Variants in CEP164 observed in about 807,000 individuals in gnomAD.
CEP164 encodes centrosomal protein 164.
In CEP164, 162 loss-of-function variants were observed where a neutral mutation model predicts 182.7. That is an observed-to-expected ratio of 0.89 (90% CI 0.78 to 1.01). The LOEUF is 1.01. CEP164 is among the 50% of genes least tolerant of loss of function. The pLI is 0.00. For missense variants in CEP164, 1,735 were observed against 1,790.4 expected, an observed-to-expected ratio of 0.97 and a Z score of 0.56; for synonymous variants, 661 against 690.0, an observed-to-expected ratio of 0.96 and a Z score of 0.66.
intron 9 of CEP164, among the ~76,000 whole-genome samples, chr11:117,372,108 A>ATTGT (rs2042260706): frequency 7.5e-6 from 1 of 133,278 alleles, no homozygotes; most frequent in African/African-American, 2.9e-5. Flanking sequence ...AGTTCAGGGT[A>ATTGT]TTTTTTTTTT....
In CEP164 at chr11:117,394,476, C is replaced by T. The variant is rs200179277; in HGVS notation, c.2743C>T (p.Arg915Cys). Residue 915 changes from arginine to cysteine, a missense_variant, in exon 21 of 33, where the codon CGC (arginine) becomes TGC (cysteine). Coordinates refer to ENST00000278935, the MANE Select transcript of CEP164 (RefSeq NM_014956.5). The surrounding 1 kb of genome is among the most constrained non-coding windows in gnomAD (Gnocchi z 4.0). ...ACACAAGCGTCTTGAGGACTTGCGGCGCCGGCACAGGGAGCAGGTGAGGGG... is the reference window on the plus strand; with the variant it reads ...ACACAAGCGTCTTGAGGACTTGCGGTGCCGGCACAGGGAGCAGGTGAGGGG... Reference protein sequence around the residue: ...EQHKRLEDLRRRHREQERKLQ... With the variant: ...EQHKRLEDLRCRHREQERKLQ... The T allele has an allele frequency of 6.2e-6, 10 of 1,613,884 alleles. No homozygotes were observed. The highest frequency in any genetic ancestry group is 1.7e-4 in the Middle Eastern group (1 of 5,918).
chr11:117,356,613 A>G (rs2040322492), intron 5 of CEP164: 2 of 1,284,612 alleles, frequency 1.6e-6, no homozygotes, highest in African/African-American at 1.5e-5. Context: ...CAGCATCTCA[A>G]CCAGGTAGGC....
At position 117,411,216 on chromosome 11, in the gene CEP164, T is replaced by G; in HGVS notation, c.4163+322T>G. ...GGGACCCTGCCCCCGCCCCTCCCTC[T>G]AGCCCCTCCAGCCCCGGAGTCTGGC... On this transcript the variant is annotated intron_variant, in intron 31 of 32. Coordinates refer to ENST00000278935, the MANE Select transcript of CEP164 (RefSeq NM_014956.5). The surrounding 1 kb of genome is among the most constrained non-coding windows in gnomAD (Gnocchi z 4.4). 1 of 334,316 alleles carries G rather than the reference T, an allele frequency of 3.0e-6. No homozygotes were observed. The allele number at this position is 334,316 out of a possible 1,614,324, so 20.7% of individuals were successfully genotyped here.
chr11:117,407,496 GA>G (rs1305693765), intron 27 of CEP164, among the ~76,000 whole-genome samples: 6 of 119,622 alleles, frequency 5.0e-5, no homozygotes, highest in African/African-American at 6.0e-5. Flanking sequence ...AAAGAAAAAA[GA>G]AAAAAAAAAG....
In CEP164 at chr11:117,409,395, C is replaced by T; in HGVS notation, c.3749-223C>T. ...TCTCTGGGGTCCTGGGCCCTTCACC[C>T]AGCACCTTGCCCTGGAAACCTGTTT... On this transcript the variant is annotated intron_variant, in intron 29 of 32. Coordinates refer to ENST00000278935, the MANE Select transcript of CEP164 (RefSeq NM_014956.5). The surrounding 1 kb of genome is among the most constrained non-coding windows in gnomAD (Gnocchi z 4.4). 3.4e-6 allele frequency: 2 copies of T among 589,248 alleles called. No individual in the cohort carries two copies. Among genetic ancestry groups the T allele is most frequent in the Non-Finnish European group, 3.0e-6 (1 of 334,342 alleles). The allele number at this position is 589,248 out of a possible 1,614,324, so 36.5% of individuals were successfully genotyped here.
intron 1 of CEP164, among the ~76,000 whole-genome samples, chr11:117,330,965 C>G (rs1430512582): frequency 1.3e-5 from 2 of 152,200 alleles, no homozygotes; most frequent in Non-Finnish European, 2.9e-5. Context: ...TGTTCCAAAG[C>G]TTTTGCTCAT....
Position 117,391,315 on chromosome 11 carries a change from C to T in CEP164, c.2283+100C>T, listed in dbSNP as rs527487243. 241 of 1,201,514 alleles carry T rather than the reference C, an allele frequency of 2.0e-4. 1 individual carries two copies. Among genetic ancestry groups the T allele is most frequent in the African/African-American group, 1.3e-3 (87 of 66,150 alleles). 74.4% of individuals were successfully genotyped at this position (1,201,514 alleles called of 1,614,324 possible). A position where few individuals can be genotyped will look rare whatever the true frequency, so the allele number is the denominator to read the frequency against. On this transcript the variant is annotated intron_variant, in intron 17 of 32. Coordinates refer to ENST00000278935, the MANE Select transcript of CEP164 (RefSeq NM_014956.5). Reference sequence around the variant, plus strand: ...AGAAGAAGGGCAAGTCTCGGGTGGGCGTGCAGGCTGGGGAGCCAGGTGGAG... The same window carrying T: ...AGAAGAAGGGCAAGTCTCGGGTGGGTGTGCAGGCTGGGGAGCCAGGTGGAG...
intron 27 of CEP164, among the ~76,000 whole-genome samples, chr11:117,398,565 A>C (rs1027180206): frequency 4.6e-5 from 7 of 152,050 alleles, no homozygotes; most frequent in African/African-American, 1.7e-4. Flanking sequence ...TTTTCTGGGC[A>C]TCTAGGTGTT....
intron 5 of CEP164, among the ~76,000 whole-genome samples, chr11:117,357,371 A>G (rs968167918): frequency 2.7e-5 from 4 of 149,970 alleles, no homozygotes; most frequent in South Asian, 2.1e-4. Flanking sequence ...GGCCTCCCCA[A>G]GTGCTGGGAT....
chr11:117,412,040 G>C (rs1054860564), intron 32 of CEP164, 32 bp from the exon 33 acceptor site: 1 of 1,613,088 alleles, frequency 6.2e-7, no homozygotes, highest in Non-Finnish European at 8.5e-7. Flanking sequence ...GCTATGCCCA[G>C]CGACTGCAGT....
chr11:117,391,314 G>T, intron 17 of CEP164, 99 bp downstream of exon 17: 1 of 1,212,972 alleles, frequency 8.2e-7, no homozygotes, highest in Non-Finnish European at 1.2e-6. Flanking sequence ...TCTCGGGTGG[G>T]CGTGCAGGCT....
chr11:117,338,755 C>A, intron 3 of CEP164, 87 bp downstream of exon 3: 1 of 1,053,046 alleles, frequency 9.5e-7, no homozygotes, highest in Non-Finnish European at 1.5e-6. Context: ...TCTTTCAGTG[C>A]AAAGTATGGT....
Position 117,410,897 on chromosome 11 carries a change from G to T in CEP164, c.4163+3G>T, listed in dbSNP as rs1225261759. The T allele has an allele frequency of 6.2e-7, 1 of 1,612,372 alleles. No individual in the cohort carries two copies. The highest frequency in any genetic ancestry group is 8.5e-7 in the Non-Finnish European group (1 of 1,179,268). On this transcript the variant is annotated splice_donor_region_variant and intron_variant, in intron 31 of 32. Coordinates refer to ENST00000278935, the MANE Select transcript of CEP164 (RefSeq NM_014956.5). ...AGGCTGGGTTACATGTCTGCCAGGT[G>T]AGCCTCCCTGGGGGCTGGTTGGGGT...
chr11:117,377,187 C>CCA (rs35560075), intron 11 of CEP164, among the ~76,000 whole-genome samples: 92,712 of 151,778 alleles, frequency 0.61, 29,132 homozygotes, highest in African/African-American at 0.77. Flanking sequence ...GACAGTTTTT[C>CCA]CAGATGGGGC....
rs141163158 is a variant in CEP164, at chr11:117,363,502, A to G, written c.761A>G (p.Tyr254Cys). Residue 254 changes from tyrosine to cysteine, a missense_variant, in exon 8 of 33, where the codon TAT becomes TGT. Transcript: ENST00000278935. ...DIGALGGDFE[Y>C]EESLRTSQPE... ...GGGGCACTGGGGGGTGACTTTGAGT[A>G]TGAGGTAAGAGCCCTAATCCCTACA... The G allele has an allele frequency of 6.2e-7, 1 of 1,612,288 alleles. No homozygotes were observed.
At chr11:117,403,170 T>A (rs1164256450) in intron 27 of CEP164, among the ~76,000 whole-genome samples, 8 of 152,236 alleles carry the variant, frequency 5.3e-5, no homozygotes, top group Admixed American at 5.2e-4. Context: ...CTGTTTACAT[T>A]CAAGGCTAAT....
At chr11:117,381,637 C>T (rs577680507) in intron 12 of CEP164, 64 bp from the exon 13 acceptor site, 29 of 1,536,718 alleles carry the variant, frequency 1.9e-5, no homozygotes, top group Non-Finnish European at 2.4e-5. Context: ...ACTGTACTCC[C>T]CAGTTCTCTT....
intron 15 of CEP164, among the ~76,000 whole-genome samples, chr11:117,389,246 G>T (rs527654618): frequency 6.6e-6 from 1 of 152,148 alleles, no homozygotes; most frequent in Admixed American, 6.5e-5. Context: ...TCCCCTGGTC[G>T]TGTGGGGCTG....
chr11:117,327,252 C>T (rs112917279), upstream of CEP164, among the ~76,000 whole-genome samples: 612 of 152,160 alleles, frequency 4.0e-3, 6 homozygotes, highest in African/African-American at 0.014. Context: ...GGAGTGGACG[C>T]GTCTCCATTA....
Sources: gnomAD v4.1 joint callset for allele counts (sites outside exome capture counted in the v4.1 genomes callset) on GRCh38, gnomAD v4.1.1 for gene constraint, Gnocchi (gnomAD v3.1) non-coding constraint, MANE v1.5 for transcripts, NCBI Gene and HGNC (gene_info 2026-07-23, HGNC 2026-07-21) for gene names.